The following XKR7 variants were observed in gnomAD, a reference collection of about 807,000 sequenced individuals.
XKR7 encodes XK related 7.
In XKR7, 11 loss-of-function variants were observed where a neutral mutation model predicts 42.2. That is an observed-to-expected ratio of 0.26 (90% CI 0.16 to 0.43). The LOEUF (loss-of-function observed/expected upper bound fraction) is 0.43. Among genes scored for constraint, XKR7 ranks in the 20% least tolerant of loss-of-function variants. The probability of loss-of-function intolerance (pLI) is 1.00; values close to 1 mark genes in which losing one functional copy is unlikely to be tolerated. For synonymous variants in XKR7, 346 were observed against 366.4 expected, an observed-to-expected ratio of 0.94 and a Z score of 0.64; for missense variants, 710 against 802.2, an observed-to-expected ratio of 0.89 and a Z score of 1.39.
In XKR7 at chr20:31,996,737, C is replaced by T. The variant is rs766768643; in HGVS notation, c.1020C>T (p.Thr340=). The change falls in exon 3 of 3, where the codon ACC becomes ACT. Residue 340 remains threonine (T), a synonymous_variant. Coordinates refer to ENST00000562532, the MANE Select transcript of XKR7 (RefSeq NM_001011718.2). ...TCGTGGCCCACTGGTGCGTCATGAC[C>T]TTCTGGGTCATCCAAGGGGAGACGG... ...IFIVAHWCVM[T]FWVIQGETDF... 1 of 1,613,928 alleles carries T rather than the reference C, an allele frequency of 6.2e-7. No individual in the cohort carries two copies. Among genetic ancestry groups the T allele is most frequent in the African/African-American group, 1.3e-5 (1 of 74,904 alleles).
At position 32,001,903 on chromosome 20, in the gene XKR7, A is replaced by G. The variant is rs760291662; in HGVS notation, c.*4446A>G. The G allele has an allele frequency of 1.3e-4, 20 of 152,306 alleles. No homozygotes were observed. The highest frequency in any genetic ancestry group is 7.8e-4 in the Admixed American group (12 of 15,294). The allele number at this position is 152,306 out of a possible 1,614,324, so 9.4% of individuals were successfully genotyped here. A position where few individuals can be genotyped will look rare whatever the true frequency, so the allele number is the denominator to read the frequency against. ...TATTAAAGTGCTTTGCAGTGTCTCA[A>G]TGGAAGGGAACAAGTGGGTGTCAAG... On this transcript the variant is annotated 3_prime_UTR_variant, in exon 3 of 3. Coordinates refer to ENST00000562532, the MANE Select transcript of XKR7 (RefSeq NM_001011718.2).
chr20:31,983,669 G>A (rs1046408893), intron 1 of XKR7, among the ~76,000 whole-genome samples: 13 of 152,178 alleles, frequency 8.5e-5, no homozygotes, highest in Admixed American at 6.6e-5. Context: ...AGTGGGGGCC[G>A]GGCACGGTGG....
At chr20:31,984,514 C>A (rs968925402) in intron 1 of XKR7, among the ~76,000 whole-genome samples, 2 of 152,052 alleles carry the variant, frequency 1.3e-5, no homozygotes, top group Admixed American at 1.3e-4. Context: ...GATGAACATC[C>A]CTTGGTGTAG....
At chr20:31,976,394 A>AT (rs1391987001) in intron 1 of XKR7, among the ~76,000 whole-genome samples, 4 of 151,352 alleles carry the variant, frequency 2.6e-5, no homozygotes, top group Admixed American at 1.3e-4. Context: ...ATTTTTTTTT[A>AT]TTTTTTTTGA....
chr20:31,977,638 T>C (rs544472109), intron 1 of XKR7, among the ~76,000 whole-genome samples: 1 of 152,292 alleles, frequency 6.6e-6, no homozygotes, highest in Admixed American at 6.5e-5. Flanking sequence ...TCCTACTTGC[T>C]TAGTAACAAG....
chr20:31,968,843 C>A lies in XKR7; in HGVS notation c.584+84C>A. 1 of 1,429,522 alleles carries A rather than the reference C, an allele frequency of 7.0e-7. No individual in the cohort carries two copies. Among genetic ancestry groups the A allele is most frequent in the Non-Finnish European group, 9.1e-7 (1 of 1,095,106 alleles). The allele number at this position is 1,429,522 out of a possible 1,614,324, so 88.6% of individuals were successfully genotyped here. On this transcript the variant is annotated intron_variant, in intron 1 of 2. Coordinates refer to ENST00000562532, the MANE Select transcript of XKR7 (RefSeq NM_001011718.2). This position sits in a 1 kb window ranked among gnomAD's most constrained non-coding sequence, Gnocchi z 4.5. The stretch of plus-strand genomic sequence containing the variant: ...CCTGACGTCCCAGCCCTGATCTGAC[C>A]TTTCCGGGCTACCCTCCTGTCCTGA...
At chr20:31,985,432 T>C (rs2064533368) in intron 1 of XKR7, among the ~76,000 whole-genome samples, 1 of 147,606 alleles carries the variant, frequency 6.8e-6, no homozygotes, top group South Asian at 2.2e-4. Flanking sequence ...AGACCCAGAG[T>C]CAGGGAGAGG....
intron 1 of XKR7, among the ~76,000 whole-genome samples, chr20:31,976,259 G>T (rs1277709129): frequency 1.3e-5 from 2 of 152,150 alleles, no homozygotes; most frequent in African/African-American, 4.8e-5. Flanking sequence ...ATGAGGTCAG[G>T]CTCCCAAACC....
In XKR7 at chr20:31,996,955, A is replaced by G; in HGVS notation, c.1238A>G (p.Tyr413Cys). The change falls in exon 3 of 3, where the codon TAC becomes TGC. Residue 413 changes from tyrosine to cysteine, a missense_variant. Tyr to Cys is a radical substitution (Grantham distance 194). Around this residue, in one of 2 missense-constraint regions of XKR7, gnomAD observed 708 missense variants for 786.2 expected, o/e 0.90. Transcript: ENST00000562532. ...YSSRNFSTDF[Y>C]SLIMVCVVAS... is the part of the protein sequence containing the mutation. ...AGCCGCAACTTCTCAACCGACTTCT[A>G]CTCGCTCATCATGGTCTGCGTAGTG... 1 of 1,614,006 alleles carries G rather than the reference A, an allele frequency of 6.2e-7. No individual in the cohort carries two copies. Among genetic ancestry groups the G allele is most frequent in the Non-Finnish European group, 8.5e-7 (1 of 1,180,018 alleles).
chr20:31,971,181 G>A (rs529263367), intron 1 of XKR7, among the ~76,000 whole-genome samples: 2 of 140,174 alleles, frequency 1.4e-5, no homozygotes, highest in South Asian at 4.3e-4. Context: ...ATGTGGGTGA[G>A]GACGGGAACA....
chr20:31,986,409 T>C (rs1451600843), intron 1 of XKR7, among the ~76,000 whole-genome samples: 48 of 71,088 alleles, frequency 6.8e-4, no homozygotes, highest in Middle Eastern at 0.016. Context: ...ACCAAACAGA[T>C]CCAGCATCCA....
At chr20:31,993,148 C>T (rs979161893) in intron 1 of XKR7, among the ~76,000 whole-genome samples, 1 of 151,412 alleles carries the variant, frequency 6.6e-6, no homozygotes, top group Non-Finnish European at 1.5e-5. Context: ...CCCCCAGTTT[C>T]CTGGGAAAGC....
Position 31,997,208 on chromosome 20 carries a change from C to T in XKR7, c.1491C>T (p.Thr497=). 6.2e-7 allele frequency: 1 copy of T among 1,610,594 alleles called. No homozygotes were observed. Among genetic ancestry groups the T allele is most frequent in the South Asian group, 1.1e-5 (1 of 91,060 alleles). ...CGGGAGAGCGTGCAGGGACCCCCAC[C>T]CCACCTGTCTTCCAGGTGCGGCCTG... ...ASAGERAGTP[T]PPVFQVRPGL... Residue 497 remains threonine (T), a synonymous_variant, in exon 3 of 3, where the codon ACC becomes ACT. Transcript: ENST00000562532.
chr20:31,976,029 T>C (rs2064483180), intron 1 of XKR7, among the ~76,000 whole-genome samples: 1 of 152,234 alleles, frequency 6.6e-6, no homozygotes, highest in Admixed American at 6.5e-5. Flanking sequence ...GGACCTCAGC[T>C]TTCTCATCTG....
In XKR7 at chr20:31,996,834, T is replaced by C. The variant is rs2064594621; in HGVS notation, c.1117T>C (p.Phe373Leu). 6.2e-7 allele frequency: 1 copy of C among 1,613,722 alleles called. No homozygotes were observed. The highest frequency in any genetic ancestry group is 8.5e-7 in the Non-Finnish European group (1 of 1,179,976). ...VVGIIYIFCW[F>L]NVKEGRSRRR... ...GGGCATCATCTACATCTTCTGCTGG[T>C]TCAACGTCAAGGAGGGCCGCAGCCG... The change falls in exon 3 of 3, where the codon TTC becomes CTC. Residue 373 changes from phenylalanine (F) to leucine (L), a missense_variant. Phe to Leu is a conservative substitution (Grantham distance 22). Coordinates refer to ENST00000562532, the MANE Select transcript of XKR7 (RefSeq NM_001011718.2).
chr20:31,968,770 C>G lies in XKR7; in HGVS notation c.584+11C>G. 6.7e-7 allele frequency: 1 copy of G among 1,490,460 alleles called. No individual in the cohort carries two copies. The highest frequency in any genetic ancestry group is 8.9e-7 in the Non-Finnish European group (1 of 1,126,354). The allele number at this position is 1,490,460 out of a possible 1,614,324, so 92.3% of individuals were successfully genotyped here. On this transcript the variant is annotated intron_variant, in intron 1 of 2. Coordinates refer to ENST00000562532, the MANE Select transcript of XKR7 (RefSeq NM_001011718.2). The surrounding 1 kb of genome is among the most constrained non-coding windows in gnomAD (Gnocchi z 4.5). The stretch of plus-strand genomic sequence containing the variant: ...CGGCCAGGTCTGGAGGTAGGAGAAG[C>G]GCAGGTGGAGGGACCTGAGCCCGAG...
Position 31,968,622 on chromosome 20 carries a change from G to T in XKR7, c.447G>T (p.Arg149=). 6.2e-7 allele frequency: 1 copy of T among 1,600,416 alleles called. No individual in the cohort carries two copies. The part of the protein sequence containing the change: ...ISTKDSAGAF[R]TKEGSPEPGP... The stretch of plus-strand genomic sequence containing the variant: ...CCAAGGACAGCGCCGGCGCCTTCCG[G>T]ACCAAAGAAGGCAGCCCCGAGCCGG... The change falls in exon 1 of 3, where the codon CGG becomes CGT. Residue 149 remains arginine (R), a synonymous_variant. Coordinates refer to ENST00000562532, the MANE Select transcript of XKR7 (RefSeq NM_001011718.2). The surrounding 1 kb of genome is among the most constrained non-coding windows in gnomAD (Gnocchi z 4.5).
chr20:31,992,666 T>C (rs2064575045), intron 1 of XKR7, among the ~76,000 whole-genome samples: 1 of 152,322 alleles, frequency 6.6e-6, no homozygotes, highest in African/African-American at 2.4e-5. Flanking sequence ...ATGTGTTATG[T>C]TGATGGTGTG....
rs1452971928 is a variant in XKR7, at chr20:31,997,049, C to T, written c.1332C>T (p.Pro444=). Residue 444 remains proline, a synonymous_variant, in exon 3 of 3, where the codon CCC becomes CCT. Coordinates refer to ENST00000562532, the MANE Select transcript of XKR7 (RefSeq NM_001011718.2). ...ACTGTCTCCTGCACCCCAATGGGCC[C>T]ATGCTGGGTCCCCAGGCACCTGGTT... ...VYYCLLHPNG[P]MLGPQAPGCI... 15 of 1,613,816 alleles carry T rather than the reference C, an allele frequency of 9.3e-6. No homozygotes were observed. The highest frequency in any genetic ancestry group is 1.2e-5 in the Non-Finnish European group (14 of 1,180,050).
Sources: gnomAD v4.1 joint callset for allele counts (sites outside exome capture counted in the v4.1 genomes callset) on GRCh38, gnomAD v4.1.1 for gene constraint, gnomAD v4.1.1 regional missense constraint, Gnocchi (gnomAD v3.1) non-coding constraint, MANE v1.5 for transcripts, NCBI Gene and HGNC (gene_info 2026-07-23, HGNC 2026-07-21) for gene names.